Variants in RNF103 observed in about 807,000 individuals in gnomAD.
RNF103 encodes E3 ubiquitin-protein ligase RNF103.
In RNF103, 23 loss-of-function variants were observed where a neutral mutation model predicts 66.2. That is an observed-to-expected ratio of 0.35 (90% CI 0.25 to 0.49). The LOEUF (loss-of-function observed/expected upper bound fraction) is 0.49, where lower values mean the gene tolerates loss of function less well. Ranked by LOEUF, RNF103 falls within the 20% of genes least tolerant of loss-of-function variation. The pLI, the probability that RNF103 is intolerant of heterozygous loss-of-function variation, is 0.98. For missense variants in RNF103, 730 were observed against 814.7 expected (o/e 0.90, Z 1.27); for synonymous variants, 297 against 289.9 (o/e 1.02, Z -0.25).
chr2:86,605,212 C>A lies in RNF103; in HGVS notation c.689G>T (p.Ser230Ile). Residue 230 changes from serine (S) to isoleucine (I), a missense_variant, in exon 4 of 4, where the codon AGT becomes ATT. Physicochemically the swap from Ser to Ile is moderately radical, Grantham distance 142. Coordinates refer to ENST00000237455, the MANE Select transcript of RNF103 (RefSeq NM_005667.4). Reference sequence around the variant, plus strand: ...GTATATTTTTAACCAATACTGATCACTTTTATTCCATTCTTCTTTCAAGTG... The same window carrying A: ...GTATATTTTTAACCAATACTGATCAATTTTATTCCATTCTTCTTTCAAGTG... ...AEHLKEEWNK[S>I]DQYWLKIYLF... The A allele has an allele frequency of 6.2e-7, 1 of 1,614,002 alleles. No individual in the cohort carries two copies. Among genetic ancestry groups the A allele is most frequent in the Non-Finnish European group, 8.5e-7 (1 of 1,180,032 alleles).
rs1204951452 is a variant in RNF103 at position 86,603,559 on chromosome 2, A to C, written c.*284T>G. On this transcript the variant is annotated 3_prime_UTR_variant, in exon 4 of 4. Transcript: ENST00000237455. ...CATTAGAATTTGATCCTATCTTGTA[A>C]AGTCTTGCTAGGATAAATTTCTATA... is the stretch of plus-strand genomic sequence containing the variant. 2 of 380,986 alleles carry C rather than the reference A, an allele frequency of 5.2e-6. No individual in the cohort carries two copies. Among genetic ancestry groups the C allele is most frequent in the East Asian group, 9.8e-5 (2 of 20,336 alleles). 23.6% of individuals were successfully genotyped at this position (380,986 alleles called of 1,614,324 possible). A position where few individuals can be genotyped will look rare whatever the true frequency, so the allele number is the denominator to read the frequency against.
rs141896272 is a variant in RNF103 at position 86,604,082 on chromosome 2, C to T, written c.1819G>A (p.Asp607Asn). 9.3e-6 allele frequency: 15 copies of T among 1,613,766 alleles called. No individual in the cohort carries two copies. In the African/African-American group the frequency reaches 1.9e-4, roughly 20 times the overall value. ...ATATCAGCAGGCCAAGTTAACCAAT[C>T]AGGTTCCATATCTTCATTAGTGTTA... ...SYNTNEDMEP[D>N]WLTWPADMLH... Residue 607 changes from aspartate to asparagine, a missense_variant, in exon 4 of 4, where the codon GAT (aspartate) becomes AAT (asparagine). By Grantham distance (23) the Asp-to-Asn change is conservative. Transcript: ENST00000237455.
At chr2:86,607,326 CT>C (rs1678611827) in intron 3 of RNF103, among the ~76,000 whole-genome samples, 4 of 152,108 alleles carry the variant, frequency 2.6e-5, no homozygotes. Context: ...AGAGAAGAGT[CT>C]TGACGTAGGT....
intron 3 of RNF103, among the ~76,000 whole-genome samples, chr2:86,608,138 G>A (rs536607667): frequency 4.3e-4 from 65 of 152,122 alleles, no homozygotes; most frequent in African/African-American, 1.5e-3. Flanking sequence ...GACTAAAAAC[G>A]ATAGGAAATA....
rs1169085191 is a variant in RNF103 at position 86,623,070 on chromosome 2, G to A, written c.-184C>T. On this transcript the variant is annotated 5_prime_UTR_variant, in exon 1 of 4. Coordinates refer to ENST00000237455, the MANE Select transcript of RNF103 (RefSeq NM_005667.4). ...CAGGTGACGGGATCCGCGCGGGCGC[G>A]AGGCGGCGACGAGGGACGCAGAGAC... 2.3e-6 allele frequency: 3 copies of A among 1,302,326 alleles called. No homozygotes were observed. The highest frequency in any genetic ancestry group is 2.9e-4 in the Middle Eastern group (1 of 3,438). 80.7% of individuals were successfully genotyped at this position (1,302,326 alleles called of 1,614,324 possible).
chr2:86,605,542 C>G, intron 3 of RNF103, 124 bp from the exon 4 acceptor site: 1 of 959,004 alleles, frequency 1.0e-6, no homozygotes, highest in Non-Finnish European at 1.5e-6. Context: ...AAAAGTGGTA[C>G]CACTACTTGG....
chr2:86,623,339 G>C lies in RNF103; in HGVS notation c.-453C>G. ...TAACTCAGATCCGCCCAGGAGGCGG[G>C]GATCCGGGCGGCAGGCCGGGGCCCG... On this transcript the variant is annotated 5_prime_UTR_variant, in exon 1 of 4. Transcript: ENST00000237455. 2.0e-6 allele frequency: 2 copies of C among 984,594 alleles called. No individual in the cohort carries two copies. Among genetic ancestry groups the C allele is most frequent in the Non-Finnish European group, 2.4e-6 (2 of 829,804 alleles). The allele number at this position is 984,594 out of a possible 1,614,324, so 61.0% of individuals were successfully genotyped here. A position where few individuals can be genotyped will look rare whatever the true frequency, so the allele number is the denominator to read the frequency against.
intron 2 of RNF103, chr2:86,618,064 A>C (rs1212740512): frequency 2.2e-6 from 1 of 447,226 alleles, no homozygotes; most frequent in Non-Finnish European, 4.5e-6. Context: ...ACATAGAAAA[A>C]CCACAGAAAT....
At chr2:86,606,662 C>CAAAAAAAA (rs200897796) in intron 3 of RNF103, among the ~76,000 whole-genome samples, 1 of 97,418 alleles carries the variant, frequency 1.0e-5, no homozygotes, top group African/African-American at 4.8e-5. Flanking sequence ...AACTTCGTCT[C>CAAAAAAAA]AAAAAAAAAA....
At chr2:86,610,733 A>G (rs1678756891) in intron 3 of RNF103, among the ~76,000 whole-genome samples, 1 of 152,192 alleles carries the variant, frequency 6.6e-6, no homozygotes, top group South Asian at 2.1e-4. Context: ...GACTTTTGGC[A>G]TAACTAAAAA....
intron 3 of RNF103, among the ~76,000 whole-genome samples, chr2:86,610,621 T>C (rs1425260891): frequency 6.6e-6 from 1 of 152,234 alleles, no homozygotes; most frequent in Non-Finnish European, 1.5e-5. Flanking sequence ...TGATGTTTTC[T>C]AATATATTTA....
At chr2:86,618,011 T>A (rs1188673938) in intron 2 of RNF103, 3 of 460,636 alleles carry the variant, frequency 6.5e-6, no homozygotes, top group Admixed American at 4.7e-5. Flanking sequence ...ACCTTGAGCA[T>A]CACTGGAAAA....
At chr2:86,622,256 T>C (rs1187610169) in intron 1 of RNF103, among the ~76,000 whole-genome samples, 2 of 152,350 alleles carry the variant, frequency 1.3e-5, no homozygotes, top group East Asian at 1.9e-4. Flanking sequence ...TATCTTATTA[T>C]TACTATCGTG....
chr2:86,621,313 G>GA (rs1022855653), intron 1 of RNF103, among the ~76,000 whole-genome samples: 3 of 150,466 alleles, frequency 2.0e-5, no homozygotes, highest in East Asian at 1.9e-4. Flanking sequence ...ACAGTCAAAA[G>GA]AAAAAAAAAT....
chr2:86,611,254 C>T (rs1678781165), intron 3 of RNF103, among the ~76,000 whole-genome samples: 1 of 151,880 alleles, frequency 6.6e-6, no homozygotes, highest in South Asian at 2.1e-4. Context: ...GATAAGGAGA[C>T]TAAATGTGAG....
At chr2:86,611,078 A>T (rs1205863808) in intron 3 of RNF103, among the ~76,000 whole-genome samples, 1 of 151,704 alleles carries the variant, frequency 6.6e-6, no homozygotes, top group East Asian at 1.9e-4. Context: ...TGGAATGCTG[A>T]GGTGGGAAGA....
intron 2 of RNF103, chr2:86,616,842 T>G (rs535947757): frequency 1.0e-6 from 1 of 985,340 alleles, no homozygotes; most frequent in African/African-American, 1.7e-5. Context: ...GGAGGATAAA[T>G]CCATAAAACC....
At position 86,604,661 on chromosome 2, in the gene RNF103, A is replaced by C. The variant is rs1678476746; in HGVS notation, c.1240T>G (p.Ser414Ala). Reference protein sequence around the residue: ...SWVRADWMFYSSHPALFLSTY... With the variant: ...SWVRADWMFYASHPALFLSTY... Reference sequence around the variant, plus strand: ...CTGAGAAACAGGGCTGGGTGTGAAGAGTAAAACATCCAGTCTGCCCTTACC... The same window carrying C: ...CTGAGAAACAGGGCTGGGTGTGAAGCGTAAAACATCCAGTCTGCCCTTACC... The change falls in exon 4 of 4, where the codon TCT becomes GCT. Residue 414 changes from serine (S) to alanine (A), a missense_variant. Physicochemically the swap from Ser to Ala is moderately conservative, Grantham distance 99. This residue lies in a region of RNF103 where 355 missense variants were observed against 351.9 expected (regional missense o/e 1.01). Coordinates refer to ENST00000237455, the MANE Select transcript of RNF103 (RefSeq NM_005667.4). The C allele has an allele frequency of 1.2e-6, 2 of 1,614,108 alleles. No individual in the cohort carries two copies. Among genetic ancestry groups the C allele is most frequent in the Non-Finnish European group, 1.7e-6 (2 of 1,180,046 alleles).
chr2:86,617,697 T>G lies in RNF103; in HGVS notation c.366+2633A>C, dbSNP rs898106838. On this transcript the variant is annotated intron_variant, in intron 2 of 3. Transcript: ENST00000237455. ...TTGAAAGTTATCCTTTACAATAGATTAATATATATGATCTGAGCTGAAAGA... is the reference window on the plus strand; with the variant it reads ...TTGAAAGTTATCCTTTACAATAGATGAATATATATGATCTGAGCTGAAAGA... 5.9e-5 allele frequency: 58 copies of G among 990,754 alleles called. No homozygotes were observed. The African/African-American group carries it at 8.9e-4, about 15-fold the overall frequency. 61.4% of individuals were successfully genotyped at this position (990,754 alleles called of 1,614,324 possible). A position where few individuals can be genotyped will look rare whatever the true frequency, so the allele number is the denominator to read the frequency against.
Sources: gnomAD v4.1 joint callset for allele counts (sites outside exome capture counted in the v4.1 genomes callset) on GRCh38, gnomAD v4.1.1 for gene constraint, gnomAD v4.1.1 regional missense constraint, MANE v1.5 for transcripts, NCBI Gene and HGNC (gene_info 2026-07-23, HGNC 2026-07-21) for gene names.